The following C17orf67 variants were observed in gnomAD, a reference collection of about 807,000 sequenced individuals.
The protein encoded by C17orf67 is chromosome 17 open reading frame 67.
C17orf67 carries 12 observed loss-of-function variants against 11.2 expected under a neutral mutation model. That is an observed-to-expected ratio of 1.07 (90% CI 0.68 to 1.73). C17orf67 has a LOEUF of 1.73. C17orf67 is among the 40% of genes most tolerant of loss of function. C17orf67 has a pLI of 0.00. For missense variants in C17orf67, 115 were observed against 113.5 expected (o/e 1.01, Z -0.06); for synonymous variants, 59 against 46.9 (o/e 1.26, Z -1.05).
At chr17:56,821,953 T>C (rs1185181440) in intron 4 of C17orf67, among the ~76,000 whole-genome samples, 1 of 152,206 alleles carries the variant, frequency 6.6e-6, no homozygotes, top group East Asian at 1.9e-4. Flanking sequence ...CTTCCCCCCG[T>C]TGGCTACTGC....
At chr17:56,819,960 G>A (rs1448220181) in intron 4 of C17orf67, among the ~76,000 whole-genome samples, 1 of 152,242 alleles carries the variant, frequency 6.6e-6, no homozygotes, top group Admixed American at 6.5e-5. Flanking sequence ...TCTACTGGAG[G>A]TGGAGAGAGA....
chr17:56,806,022 T>C (rs1905441229), intron 6 of C17orf67, among the ~76,000 whole-genome samples: 1 of 126,256 alleles, frequency 7.9e-6, no homozygotes, highest in Non-Finnish European at 1.6e-5. Flanking sequence ...TCGTCCAGGC[T>C]GGAGTGCAGT....
In C17orf67 at chr17:56,795,040, G is replaced by T. The variant is rs377049811; in HGVS notation, c.*20+4C>A. On this transcript the variant is annotated splice_donor_region_variant and intron_variant, in intron 7 of 7. Transcript: ENST00000397861. ...AGAGGTCCGGGAGAGAGAAGGAGACGTACCGAGGCTGGTCCTGATCCCCTT... is the reference window on the plus strand; with the variant it reads ...AGAGGTCCGGGAGAGAGAAGGAGACTTACCGAGGCTGGTCCTGATCCCCTT... The T allele has an allele frequency of 2.8e-5, 44 of 1,584,606 alleles. No individual in the cohort carries two copies. The highest frequency in any genetic ancestry group is 3.8e-5 in the Non-Finnish European group (44 of 1,153,686).
At chr17:56,808,892 C>T (rs1905521165) in intron 6 of C17orf67, among the ~76,000 whole-genome samples, 1 of 152,120 alleles carries the variant, frequency 6.6e-6, no homozygotes, top group Admixed American at 6.5e-5. Context: ...TAACACCTCC[C>T]CTAAAGCACC....
rs1906277174 is a variant in C17orf67, at chr17:56,833,068, AG to A, written c.-728del. The A allele has an allele frequency of 6.6e-6, 1 of 152,198 alleles. No homozygotes were observed. Among genetic ancestry groups the A allele is most frequent in the Non-Finnish European group, 1.5e-5 (1 of 68,058 alleles). 9.4% of individuals were successfully genotyped at this position (152,198 alleles called of 1,614,324 possible). A position where few individuals can be genotyped will look rare whatever the true frequency, so the allele number is the denominator to read the frequency against. On this transcript the variant is annotated 5_prime_UTR_variant, in exon 2 of 8. Coordinates refer to ENST00000397861, the MANE Select transcript of C17orf67 (RefSeq NM_001085430.4). ...GTTTTCTTTCCATCTTTTATGCTAG[AG>A]GAAGTCCGCAAGCAACAAGTGGTCC...
intron 6 of C17orf67, among the ~76,000 whole-genome samples, chr17:56,799,249 A>T (rs1259939558): frequency 6.6e-6 from 1 of 152,152 alleles, no homozygotes; most frequent in African/African-American, 2.4e-5. Context: ...CATCTGCCTA[A>T]CCCCTGGCAA....
intron 5 of C17orf67, among the ~76,000 whole-genome samples, chr17:56,815,461 T>G (rs73323093): frequency 6.6e-6 from 1 of 152,120 alleles, no homozygotes; most frequent in East Asian, 1.9e-4. Flanking sequence ...ATCATAAAAA[T>G]ATATCAAATT....
intron 4 of C17orf67, 106 bp from the exon 5 acceptor site, chr17:56,816,116 G>T: frequency 3.5e-6 from 1 of 282,976 alleles, no homozygotes; most frequent in South Asian, 5.5e-5. Context: ...GCACCAGACA[G>T]ATGTTTGTGA....
At chr17:56,829,054 CAG>C (rs1025691355) in intron 2 of C17orf67, among the ~76,000 whole-genome samples, 1 of 152,132 alleles carries the variant, frequency 6.6e-6, no homozygotes, top group Admixed American at 6.6e-5. Flanking sequence ...CCGAGGTGGA[CAG>C]ATCACCTGAG....
chr17:56,806,899 C>A (rs1905464751), intron 6 of C17orf67, among the ~76,000 whole-genome samples: 1 of 152,200 alleles, frequency 6.6e-6, no homozygotes, highest in Non-Finnish European at 1.5e-5. Context: ...GAGAAGTAGT[C>A]AGGTTCTGGA....
At chr17:56,821,187 G>A (rs1353538209) in intron 4 of C17orf67, among the ~76,000 whole-genome samples, 1 of 151,966 alleles carries the variant, frequency 6.6e-6, no homozygotes, top group East Asian at 1.9e-4. Flanking sequence ...CCTCCCAAAG[G>A]AACATTTTTT....
intron 6 of C17orf67, among the ~76,000 whole-genome samples, chr17:56,799,194 C>T (rs1031827357): frequency 7.2e-5 from 11 of 152,210 alleles, no homozygotes; most frequent in Non-Finnish European, 1.2e-4. Flanking sequence ...CAATATCACA[C>T]GGAACAGTTT....
rs188779096 is a variant in C17orf67, at chr17:56,813,165, C to T, written c.156+1704G>A. On this transcript the variant is annotated intron_variant, in intron 6 of 7. Coordinates refer to ENST00000397861, the MANE Select transcript of C17orf67 (RefSeq NM_001085430.4). ...CCCTGAGGAAGAGCTGCAGAATGGC[C>T]GCTCCAGGCATCATGCCAAAAGCAC... 7.2e-5 allele frequency among the ~76,000 whole-genome samples: 11 copies of T among 152,246 alleles called. No homozygotes were observed. In the East Asian group the frequency reaches 1.9e-3, roughly 27 times the overall value.
intron 7 of C17orf67, among the ~76,000 whole-genome samples, chr17:56,793,225 T>C (rs990629849): frequency 2.0e-5 from 3 of 152,110 alleles, no homozygotes; most frequent in African/African-American, 7.2e-5. Flanking sequence ...ATTTTACAAA[T>C]GAGGAAATTA....
intron 6 of C17orf67, among the ~76,000 whole-genome samples, chr17:56,806,167 G>A (rs1340075085): frequency 6.6e-6 from 1 of 151,472 alleles, no homozygotes; most frequent in African/African-American, 2.4e-5. Flanking sequence ...ATAGAGACGG[G>A]GTTTCACTAT....
chr17:56,819,025 G>T (rs1267200740), intron 4 of C17orf67, among the ~76,000 whole-genome samples: 1 of 152,182 alleles, frequency 6.6e-6, no homozygotes, highest in Non-Finnish European at 1.5e-5. Context: ...GAAAGTATCA[G>T]TTAGACCTCA....
chr17:56,814,668 C>T (rs1460987201), intron 6 of C17orf67, among the ~76,000 whole-genome samples: 1 of 152,152 alleles, frequency 6.6e-6, no homozygotes, highest in Non-Finnish European at 1.5e-5. Flanking sequence ...TTAAGTTACC[C>T]TGTTCATAAC....
chr17:56,829,411 T>C (rs1250465839), intron 2 of C17orf67, among the ~76,000 whole-genome samples: 2 of 152,248 alleles, frequency 1.3e-5, no homozygotes, highest in East Asian at 1.9e-4. Flanking sequence ...ACGTTATCTA[T>C]GCTGGAGTCC....
At chr17:56,808,017 G>A (rs1014279258) in intron 6 of C17orf67, among the ~76,000 whole-genome samples, 5 of 152,030 alleles carry the variant, frequency 3.3e-5, no homozygotes, top group African/African-American at 9.7e-5. Flanking sequence ...TCCAGCCTTC[G>A]GAGAGGGTTC....
Sources: gnomAD v4.1 joint callset for allele counts (sites outside exome capture counted in the v4.1 genomes callset) on GRCh38, gnomAD v4.1.1 for gene constraint, MANE v1.5 for transcripts, NCBI Gene and HGNC (gene_info 2026-07-23, HGNC 2026-07-21) for gene names.